The following ZNF34 variants were observed in gnomAD, a reference collection of about 807,000 sequenced individuals.
ZNF34 encodes the protein zinc finger protein 34.
A neutral mutation model predicts 14.4 loss-of-function variants in ZNF34; 8 were observed. That is an observed-to-expected ratio of 0.55 (90% CI 0.33 to 1.00). ZNF34 has a LOEUF of 1.00. ZNF34 is among the 50% of genes least tolerant of loss of function. The pLI is 0.03. For missense variants in ZNF34, 538 were observed against 674.2 expected (o/e 0.80, Z 2.24); for synonymous variants, 235 against 247.9 (o/e 0.95, Z 0.49).
Position 144,777,448 on chromosome 8 carries a change from CCT to C in ZNF34, c.280+8_280+9del. On this transcript the variant is annotated splice_region_variant and intron_variant, in intron 5 of 5. Transcript: ENST00000429371. This position sits in a 1 kb window ranked among gnomAD's most constrained non-coding sequence, Gnocchi z 4.8. ...GTGACTTGAGTTGGGGAGCAGATCC[CCT>C]CACGCACCTGGGCTGTTGACTCTCA... 1 of 1,551,148 alleles carries C rather than the reference CCT, an allele frequency of 6.4e-7. No individual in the cohort carries two copies. The highest frequency in any genetic ancestry group is 1.2e-5 in the South Asian group (1 of 84,004).
At chr8:144,787,112 G>C (rs1027336507) in intron 1 of ZNF34, among the ~76,000 whole-genome samples, 167 bp downstream of exon 1, 5 of 97,636 alleles carry the variant, frequency 5.1e-5, no homozygotes, top group African/African-American at 7.1e-5. Context: ...GTCCGTACTC[G>C]GGGCCTTGTC....
chr8:144,785,123 A>AAAAAAAG (rs1563794667), intron 1 of ZNF34, among the ~76,000 whole-genome samples: 2 of 150,832 alleles, frequency 1.3e-5, no homozygotes, highest in African/African-American at 4.9e-5. Context: ...AAAAAAAAAA[A>AAAAAAAG]AAAAAAGAAA....
intron 5 of ZNF34, among the ~76,000 whole-genome samples, chr8:144,776,115 C>T (rs894836873): frequency 3.3e-5 from 5 of 151,870 alleles, no homozygotes; most frequent in Non-Finnish European, 5.9e-5. Flanking sequence ...AGCTTGAGAC[C>T]AGCCTGGCCA....
intron 1 of ZNF34, among the ~76,000 whole-genome samples, chr8:144,781,672 C>CT (rs752262686): frequency 3.7e-4 from 56 of 152,082 alleles, no homozygotes; most frequent in Non-Finnish European, 6.9e-4. Context: ...AAAAACAAAG[C>CT]AACAGAGAAA....
At position 144,787,105 on chromosome 8, in the gene ZNF34, C is replaced by A. The variant is rs116575467; in HGVS notation, c.-108+174G>T. 6.1e-3 allele frequency among the ~76,000 whole-genome samples: 791 copies of A among 129,338 alleles called. 8 individuals are homozygous for A. The highest frequency in any genetic ancestry group is 0.025 in the African/African-American group (740 of 29,196). 84.9% of individuals were successfully genotyped at this position (129,338 alleles called of 152,430 possible). The stretch of plus-strand genomic sequence containing the variant: ...TGGCAGAGAGCGGCGAGGCGCAGTC[C>A]GTACTCGGGGCCTTGTCCGGGGGGT... On this transcript the variant is annotated intron_variant, in intron 1 of 5. Coordinates refer to ENST00000429371, the MANE Select transcript of ZNF34 (RefSeq NM_001286769.2).
At position 144,773,391 on chromosome 8, in the gene ZNF34, G is replaced by C; in HGVS notation, c.1495C>G (p.Gln499Glu). Residue 499 changes from glutamine to glutamate, a missense_variant, in exon 6 of 6, where the codon CAG becomes GAG. Physicochemically the swap from Gln to Glu is conservative, Grantham distance 29. This residue lies in a region of ZNF34 where 101 missense variants were observed against 123.1 expected (regional missense o/e 0.82). Transcript: ENST00000429371. This position sits in a 1 kb window ranked among gnomAD's most constrained non-coding sequence, Gnocchi z 5.4. Reference protein sequence around the residue: ...KAFSQSTYLIQHRRIHTGEKP... With the variant: ...KAFSQSTYLIEHRRIHTGEKP... ...TCCCCGGTGTGGATCCTCCGGTGCTGAATCAAGTACGTGCTCTGGCTGAAG... is the reference window on the plus strand; with the variant it reads ...TCCCCGGTGTGGATCCTCCGGTGCTCAATCAAGTACGTGCTCTGGCTGAAG... 3.7e-6 allele frequency: 6 copies of C among 1,613,638 alleles called. No homozygotes were observed. Among genetic ancestry groups the C allele is most frequent in the Non-Finnish European group, 5.1e-6 (6 of 1,179,888 alleles).
chr8:144,778,443 G>A lies in ZNF34; in HGVS notation c.29C>T (p.Pro10Leu), dbSNP rs1335170081. ...CCCAGGAGGACAGACACTCACCTGG[G>A]GTGGGGCAGACAGGAACAAGGCCGC... The part of the protein sequence containing the change: MAALFLSAP[P>L]QAEVTFEDVA... Residue 10 changes from proline (P) to leucine (L), a missense_variant, in exon 3 of 6, where the codon CCC (proline) becomes CTC (leucine). Pro to Leu is a moderately conservative substitution (Grantham distance 98). Around this residue, in one of 3 missense-constraint regions of ZNF34, gnomAD observed 431 missense variants for 525.7 expected, o/e 0.82. Coordinates refer to ENST00000429371, the MANE Select transcript of ZNF34 (RefSeq NM_001286769.2). 3.2e-6 allele frequency: 5 copies of A among 1,578,484 alleles called. No individual in the cohort carries two copies. Among genetic ancestry groups the A allele is most frequent in the Non-Finnish European group, 3.4e-6 (4 of 1,162,656 alleles).
chr8:144,778,299 A>G, intron 3 of ZNF34, 135 bp from the exon 4 acceptor site: 1 of 1,411,130 alleles, frequency 7.1e-7, no homozygotes, highest in Non-Finnish European at 9.6e-7. Context: ...CAGCTAATAC[A>G]TCCCAAGGGG....
chr8:144,777,355 G>C lies in ZNF34; in HGVS notation c.280+103C>G. On this transcript the variant is annotated intron_variant, in intron 5 of 5. Coordinates refer to ENST00000429371, the MANE Select transcript of ZNF34 (RefSeq NM_001286769.2). This position sits in a 1 kb window ranked among gnomAD's most constrained non-coding sequence, Gnocchi z 4.8. ...CTGTCAGGCCTCCTGTGCTAGCCCC[G>C]ATGAATCTGGCCCACAAACTCCTGA... 4.2e-6 allele frequency: 6 copies of C among 1,444,650 alleles called. No homozygotes were observed. Among genetic ancestry groups the C allele is most frequent in the Non-Finnish European group, 5.5e-6 (6 of 1,082,032 alleles). 89.5% of individuals were successfully genotyped at this position (1,444,650 alleles called of 1,614,324 possible).
chr8:144,784,532 A>G (rs558714720), intron 1 of ZNF34, among the ~76,000 whole-genome samples: 3 of 147,492 alleles, frequency 2.0e-5, no homozygotes, highest in Admixed American at 6.8e-5. Context: ...GGCCGAGGTG[A>G]GTGGATCACA....
intron 1 of ZNF34, among the ~76,000 whole-genome samples, chr8:144,786,776 G>T (rs938846336): frequency 2.0e-5 from 3 of 152,048 alleles, no homozygotes. Flanking sequence ...TGGGGCGGAG[G>T]GAAGGCACAA....
At chr8:144,774,736 A>G in intron 5 of ZNF34, 131 bp from the exon 6 acceptor site, 5 of 1,135,154 alleles carry the variant, frequency 4.4e-6, no homozygotes, top group Non-Finnish European at 6.2e-6. Context: ...CAAAGATAAG[A>G]GCCTGGAGCT....
chr8:144,786,001 T>C (rs1177236363), intron 1 of ZNF34, among the ~76,000 whole-genome samples: 1 of 113,560 alleles, frequency 8.8e-6, no homozygotes, highest in African/African-American at 3.4e-5. Context: ...TTTTTTTTTT[T>C]TGAGACGGAG....
chr8:144,786,562 A>G (rs1344870705), intron 1 of ZNF34, among the ~76,000 whole-genome samples: 2 of 151,700 alleles, frequency 1.3e-5, no homozygotes, highest in African/African-American at 4.8e-5. Context: ...TGAACTCGGG[A>G]GGCGGAAGGT....
At chr8:144,774,949 G>C (rs893084723) in intron 5 of ZNF34, among the ~76,000 whole-genome samples, 14 of 152,328 alleles carry the variant, frequency 9.2e-5, no homozygotes, top group Middle Eastern at 3.4e-3. Flanking sequence ...GGATTGATTA[G>C]TCCTGGCCCC....
intron 4 of ZNF34, 37 bp downstream of exon 4, chr8:144,778,001 G>A: frequency 6.2e-7 from 1 of 1,610,814 alleles, no homozygotes; most frequent in Non-Finnish European, 8.5e-7. Flanking sequence ...TAGCCCCCAG[G>A]GCTGTTCCCA....
Position 144,779,432 on chromosome 8 carries a change from A to G in ZNF34, c.-55+796T>C, listed in dbSNP as rs561700738. On this transcript the variant is annotated intron_variant, in intron 2 of 5. Transcript: ENST00000429371. This position sits in a 1 kb window ranked among gnomAD's most constrained non-coding sequence, Gnocchi z 4.1. ...CACCTGCTTCTTTGTTCGATCATCA[A>G]TAAATAGTGTGGGCTCCCAGAGCTT... 2.8e-4 allele frequency among the ~76,000 whole-genome samples: 42 copies of G among 152,102 alleles called. No homozygotes were observed. Among genetic ancestry groups the G allele is most frequent in the Non-Finnish European group, 5.3e-4 (36 of 68,020 alleles).
Position 144,777,976 on chromosome 8 carries a change from C to A in ZNF34, c.160+62G>T. The stretch of plus-strand genomic sequence containing the variant: ...CCAGGGGGTGAGGCCCCTAGCCCAG[C>A]CTCTGCTGAGCCCTTAGCCCCCAGG... On this transcript the variant is annotated intron_variant, in intron 4 of 5. Coordinates refer to ENST00000429371, the MANE Select transcript of ZNF34 (RefSeq NM_001286769.2). The surrounding 1 kb of genome is among the most constrained non-coding windows in gnomAD (Gnocchi z 4.8). The A allele has an allele frequency of 1.3e-6, 2 of 1,598,110 alleles. No homozygotes were observed. The highest frequency in any genetic ancestry group is 1.7e-6 in the Non-Finnish European group (2 of 1,172,204).
Position 144,773,286 on chromosome 8 carries a change from G to T in ZNF34, c.1600C>A (p.Arg534=). 1.2e-6 allele frequency: 2 copies of T among 1,609,812 alleles called. No homozygotes were observed. Among genetic ancestry groups the T allele is most frequent in the Non-Finnish European group, 8.5e-7 (1 of 1,176,658 alleles). The change falls in exon 6 of 6, where the codon CGG becomes AGG. Residue 534 remains arginine, a synonymous_variant. Coordinates refer to ENST00000429371, the MANE Select transcript of ZNF34 (RefSeq NM_001286769.2). The surrounding 1 kb of genome is among the most constrained non-coding windows in gnomAD (Gnocchi z 5.4). ...NMCQHQRIHL[R]EDFSM is the part of the protein sequence containing the mutation. ...CACTGTTACATGGAGAAGTCCTCCC[G>T]GAGGTGAATCCGCTGATGCTGACAC...
Sources: gnomAD v4.1 joint callset for allele counts (sites outside exome capture counted in the v4.1 genomes callset) on GRCh38, gnomAD v4.1.1 for gene constraint, gnomAD v4.1.1 regional missense constraint, Gnocchi (gnomAD v3.1) non-coding constraint, MANE v1.5 for transcripts, NCBI Gene and HGNC (gene_info 2026-07-23, HGNC 2026-07-21) for gene names.